The following PDLIM1 variants were observed in gnomAD, a reference collection of about 807,000 sequenced individuals.
The protein encoded by PDLIM1 is PDZ and LIM domain 1, also known as PDZ and LIM domain protein 1.
PDLIM1 carries 25 observed loss-of-function variants against 35.2 expected under a neutral mutation model. That is an observed-to-expected ratio of 0.71 (90% CI 0.52 to 0.99). The LOEUF (loss-of-function observed/expected upper bound fraction) is 0.99. Ranked by LOEUF, PDLIM1 falls within the 50% of genes least tolerant of loss-of-function variation. The pLI is 0.00. For synonymous variants in PDLIM1, 152 were observed against 154.0 expected (o/e 0.99, Z 0.10); for missense variants, 363 against 415.3 (o/e 0.87, Z 1.09).
chr10:95,251,750 C>A (rs1034735004), intron 4 of PDLIM1, among the ~76,000 whole-genome samples: 4 of 152,112 alleles, frequency 2.6e-5, no homozygotes, highest in African/African-American at 9.7e-5. Flanking sequence ...CATATTTTTC[C>A]CTGTTTCACC....
At chr10:95,238,194 G>C in intron 6 of PDLIM1, 83 bp from the exon 7 acceptor site, 3 of 1,260,212 alleles carry the variant, frequency 2.4e-6, no homozygotes, top group Non-Finnish European at 3.3e-6. Context: ...CATCCTTCCT[G>C]AGCAGGGGCC....
chr10:95,269,571 CAA>C (rs11443591), intron 2 of PDLIM1, among the ~76,000 whole-genome samples: 4 of 130,286 alleles, frequency 3.1e-5, no homozygotes, highest in Admixed American at 7.6e-5. Flanking sequence ...GACTCCATCC[CAA>C]AAAAAAAAAA....
At chr10:95,261,939 C>T (rs1233157287) in intron 4 of PDLIM1, among the ~76,000 whole-genome samples, 3 of 150,570 alleles carry the variant, frequency 2.0e-5, no homozygotes, top group South Asian at 2.1e-4. Flanking sequence ...ACCCGGGAGG[C>T]GGAGGTTGTG....
chr10:95,281,813 A>G (rs1437800202), intron 1 of PDLIM1, among the ~76,000 whole-genome samples: 2 of 152,248 alleles, frequency 1.3e-5, no homozygotes, highest in East Asian at 1.9e-4. Flanking sequence ...AATAACTCCA[A>G]ACAAGATATC....
chr10:95,241,826 G>A (rs925515825), intron 5 of PDLIM1, among the ~76,000 whole-genome samples: 2 of 151,458 alleles, frequency 1.3e-5, no homozygotes, highest in Non-Finnish European at 2.9e-5. Context: ...TCGGGGCCTG[G>A]TCCAGCCCTG....
At chr10:95,267,563 C>T (rs2035426844) in intron 3 of PDLIM1, among the ~76,000 whole-genome samples, 2 of 152,068 alleles carry the variant, frequency 1.3e-5, no homozygotes, top group African/African-American at 4.8e-5. Context: ...CAAAATGATC[C>T]TTAAAATGAC....
In PDLIM1 at chr10:95,242,052, G is replaced by A. The variant is rs988451756; in HGVS notation, c.686-3367C>T. Among the ~76,000 whole-genome samples the A allele has an allele frequency of 6.6e-5, 10 of 152,278 alleles. 1 individual carries two copies. The East Asian group carries it at 7.7e-4, about 12-fold the overall frequency. On this transcript the variant is annotated intron_variant, in intron 5 of 6. Transcript: ENST00000329399. The stretch of plus-strand genomic sequence containing the variant: ...CCCCTCAGAGCTGGGACTATTCATC[G>A]CTGGGAACCGATGCACACAGATGTC...
At chr10:95,260,117 G>A (rs1418361946) in intron 4 of PDLIM1, among the ~76,000 whole-genome samples, 2 of 152,242 alleles carry the variant, frequency 1.3e-5, no homozygotes, top group Non-Finnish European at 2.9e-5. Context: ...GCACCTACCA[G>A]GGGCCAGGCA....
intron 1 of PDLIM1, among the ~76,000 whole-genome samples, chr10:95,287,572 T>A (rs1481782688): frequency 3.3e-5 from 5 of 152,078 alleles, no homozygotes; most frequent in African/African-American, 9.7e-5. Flanking sequence ...AGAAAAACAG[T>A]CAACATAAAC....
chr10:95,246,404 C>A (rs899313513), intron 5 of PDLIM1, among the ~76,000 whole-genome samples: 1 of 152,198 alleles, frequency 6.6e-6, no homozygotes, highest in African/African-American at 2.4e-5. Context: ...ATGTACGTTA[C>A]ATAATGTCTT....
chr10:95,265,772 T>TA (rs2035410945), intron 3 of PDLIM1, among the ~76,000 whole-genome samples: 1 of 151,392 alleles, frequency 6.6e-6, no homozygotes, highest in Admixed American at 6.6e-5. Context: ...GACAGTCAAG[T>TA]AGCCTGTAGT....
intron 3 of PDLIM1, among the ~76,000 whole-genome samples, 200 bp downstream of exon 3, chr10:95,268,578 A>C (rs1240749341): frequency 6.6e-6 from 1 of 152,190 alleles, no homozygotes; most frequent in Non-Finnish European, 1.5e-5. Flanking sequence ...ACACAGCGTC[A>C]CTGCCCTGGG....
chr10:95,287,677 A>G (rs796618158), intron 1 of PDLIM1, among the ~76,000 whole-genome samples: 4 of 152,166 alleles, frequency 2.6e-5, no homozygotes, highest in African/African-American at 9.6e-5. Flanking sequence ...TTTTTAATTA[A>G]AAAAATACCT....
intron 1 of PDLIM1, among the ~76,000 whole-genome samples, chr10:95,274,173 C>G (rs2035490741): frequency 6.6e-6 from 1 of 152,140 alleles, no homozygotes; most frequent in African/African-American, 2.4e-5. Flanking sequence ...TCAGGACTTT[C>G]ACACCTGCCT....
At chr10:95,252,849 T>C (rs1039241708) in intron 4 of PDLIM1, among the ~76,000 whole-genome samples, 1 of 150,254 alleles carries the variant, frequency 6.7e-6, no homozygotes, top group Non-Finnish European at 1.5e-5. Flanking sequence ...CATAGAAAAA[T>C]AGAATGGGGA....
chr10:95,284,356 T>C (rs112044546), intron 1 of PDLIM1, among the ~76,000 whole-genome samples: 217 of 152,206 alleles, frequency 1.4e-3, no homozygotes, highest in African/African-American at 4.8e-3. Context: ...TCTATCTGTA[T>C]GCATTTTTTT....
intron 5 of PDLIM1, among the ~76,000 whole-genome samples, chr10:95,245,871 T>C (rs1219482875): frequency 1.3e-5 from 2 of 152,298 alleles, no homozygotes; most frequent in East Asian, 3.9e-4. Context: ...GAGAACTTTC[T>C]TATCAGAAAG....
chr10:95,287,241 T>C (rs1461976556), intron 1 of PDLIM1, among the ~76,000 whole-genome samples: 6 of 152,196 alleles, frequency 3.9e-5, no homozygotes, highest in African/African-American at 1.4e-4. Context: ...CATTAAAACA[T>C]AATGACCCTT....
intron 1 of PDLIM1, among the ~76,000 whole-genome samples, chr10:95,287,443 C>T (rs1471730): frequency 0.34 from 51,156 of 151,978 alleles, 8,806 homozygotes; most frequent in East Asian, 0.47. Context: ...GCCACAGAAC[C>T]GCTCAGCTCT....
Sources: gnomAD v4.1 joint callset for allele counts (sites outside exome capture counted in the v4.1 genomes callset) on GRCh38, gnomAD v4.1.1 for gene constraint, MANE v1.5 for transcripts, NCBI Gene and HGNC (gene_info 2026-07-23, HGNC 2026-07-21) for gene names.